The following LRRTM4 variants were observed in gnomAD, a reference collection of about 807,000 sequenced individuals.
LRRTM4 encodes the protein leucine-rich repeat transmembrane neuronal protein 4.
A neutral mutation model predicts 47.6 loss-of-function variants in LRRTM4; 25 were observed. The ratio of observed to expected loss-of-function variants is 0.53; its 90% confidence interval spans 0.38 to 0.73. The LOEUF is 0.73. Ranked by LOEUF, LRRTM4 falls within the 30% of genes least tolerant of loss-of-function variation. The pLI, the probability that LRRTM4 is intolerant of heterozygous loss-of-function variation, is 0.00. For missense variants in LRRTM4, 638 were observed against 713.4 expected, an observed-to-expected ratio of 0.89 and a Z score of 1.20; for synonymous variants, 311 against 269.5, an observed-to-expected ratio of 1.15 and a Z score of -1.51.
chr2:77,360,481 CGA>C (rs1672153184), intron 3 of LRRTM4, among the ~76,000 whole-genome samples: 2 of 19,584 alleles, frequency 1.0e-4, no homozygotes, highest in Non-Finnish European at 3.5e-4. Flanking sequence ...CGATATGATA[CGA>C]TACGATACGA....
chr2:76,826,983 C>T (rs1268620749), intron 3 of LRRTM4, among the ~76,000 whole-genome samples: 2 of 151,890 alleles, frequency 1.3e-5, no homozygotes, highest in Non-Finnish European at 2.9e-5. Context: ...TGTTTCCAAG[C>T]TCACAAGCCA....
intron 3 of LRRTM4, among the ~76,000 whole-genome samples, chr2:76,892,368 T>C (rs1458647804): frequency 6.6e-6 from 1 of 151,726 alleles, no homozygotes; most frequent in African/African-American, 2.4e-5. Context: ...ATAATACTGG[T>C]AATAATATGA....
chr2:76,785,330 T>C (rs1323961143), intron 3 of LRRTM4, among the ~76,000 whole-genome samples: 1 of 152,104 alleles, frequency 6.6e-6, no homozygotes, highest in Non-Finnish European at 1.5e-5. Flanking sequence ...ATAAAATTAA[T>C]AATAAGAAGG....
At chr2:76,945,474 A>G (rs1675291572) in intron 3 of LRRTM4, among the ~76,000 whole-genome samples, 1 of 152,032 alleles carries the variant, frequency 6.6e-6, no homozygotes, top group Admixed American at 6.6e-5. Flanking sequence ...CAAATGTGCA[A>G]TGGAGTTGTT....
At chr2:76,902,819 CA>C (rs1673687543) in intron 3 of LRRTM4, among the ~76,000 whole-genome samples, 2 of 152,078 alleles carry the variant, frequency 1.3e-5, no homozygotes, top group Admixed American at 1.3e-4. Context: ...TAGATGGCCC[CA>C]AATTGATAGA....
chr2:76,861,762 T>C (rs927358217), intron 3 of LRRTM4, among the ~76,000 whole-genome samples: 2 of 152,178 alleles, frequency 1.3e-5, no homozygotes, highest in Non-Finnish European at 2.9e-5. Flanking sequence ...TAACTCCAAA[T>C]TGGAGCACGG....
chr2:77,477,232 T>C (rs920636515), intron 3 of LRRTM4, among the ~76,000 whole-genome samples: 28 of 152,114 alleles, frequency 1.8e-4, no homozygotes, highest in Non-Finnish European at 1.9e-4. Context: ...AGAGCCATCA[T>C]AGAAAGTAAA....
intron 3 of LRRTM4, among the ~76,000 whole-genome samples, chr2:76,961,104 TACA>T (rs1239353273): frequency 6.6e-6 from 1 of 151,578 alleles, no homozygotes; most frequent in Non-Finnish European, 1.5e-5. Flanking sequence ...TTTTATTTAT[TACA>T]ACGACAGGTT....
chr2:76,795,893 C>T (rs1274566221), intron 3 of LRRTM4, among the ~76,000 whole-genome samples: 2 of 151,870 alleles, frequency 1.3e-5, no homozygotes, highest in Non-Finnish European at 2.9e-5. Flanking sequence ...TCTGCATTTC[C>T]ATCTGAGGTA....
Position 77,459,497 on chromosome 2 carries a change from A to C in LRRTM4, c.1551+58821T>G, listed in dbSNP as rs1676693656. On this transcript the variant is annotated intron_variant, in intron 3 of 3. Coordinates refer to ENST00000409884, the MANE Select transcript of LRRTM4 (RefSeq NM_001134745.3). The stretch of plus-strand genomic sequence containing the variant: ...ATAAAACACAAATTTAGTTTCTTTA[A>C]AAAATTAGGAGTTGATTTTGATTAT... Among the ~76,000 whole-genome samples, 3 of 152,072 alleles carry C rather than the reference A, an allele frequency of 2.0e-5. No individual in the cohort carries two copies. In the South Asian group the frequency reaches 6.2e-4, roughly 31 times the overall value.
intron 3 of LRRTM4, among the ~76,000 whole-genome samples, chr2:76,930,380 C>A (rs1674731901): frequency 6.6e-6 from 1 of 152,184 alleles, no homozygotes; most frequent in Admixed American, 6.5e-5. Context: ...ATCAGCAGTT[C>A]TGTAATTAGT....
chr2:77,081,247 AACACACACACACACACACACAC>A lies in LRRTM4; in HGVS notation c.1552-332353_1552-332332del, dbSNP rs58897041. On this transcript the variant is annotated intron_variant, in intron 3 of 3. Transcript: ENST00000409884. Reference sequence around the variant, plus strand: ...CCAGCACCGAAAAATACCTGACAGCAACACACACACACACACACACACACACACACACACACACACACACATA... The same window carrying A: ...CCAGCACCGAAAAATACCTGACAGCAACACACACACACACACACACACATA... 6.9e-3 allele frequency among the ~76,000 whole-genome samples: 968 copies of A among 139,996 alleles called. 13 individuals are homozygous for A. The highest frequency in any genetic ancestry group is 0.024 in the African/African-American group (921 of 39,034). 91.8% of individuals were successfully genotyped at this position (139,996 alleles called of 152,430 possible).
intron 3 of LRRTM4, among the ~76,000 whole-genome samples, chr2:76,801,501 C>G (rs954214345): frequency 1.3e-5 from 2 of 151,912 alleles, no homozygotes; most frequent in Non-Finnish European, 2.9e-5. Flanking sequence ...ATATCACACT[C>G]TGGGGACTGT....
intron 3 of LRRTM4, among the ~76,000 whole-genome samples, chr2:76,803,369 G>A (rs887283455): frequency 6.6e-6 from 1 of 152,040 alleles, no homozygotes; most frequent in African/African-American, 2.4e-5. Context: ...CTGATCATCA[G>A]GGAAATGCAA....
chr2:77,003,105 C>T (rs1055754373), intron 3 of LRRTM4, among the ~76,000 whole-genome samples: 1 of 151,802 alleles, frequency 6.6e-6, no homozygotes, highest in Admixed American at 6.6e-5. Context: ...TTTTACTTTG[C>T]GATAAGAATA....
rs754954750 is a variant in LRRTM4, at chr2:76,748,725, C to G, written c.1743G>C (p.Pro581=). 6.2e-7 allele frequency: 1 copy of G among 1,613,780 alleles called. No homozygotes were observed. Among genetic ancestry groups the G allele is most frequent in the African/African-American group, 1.3e-5 (1 of 74,998 alleles). Residue 581 remains proline (P), a synonymous_variant, in exon 4 of 4, where the codon CCG becomes CCC. Coordinates refer to ENST00000409884, the MANE Select transcript of LRRTM4 (RefSeq NM_001134745.3). ...FIATIARSAA[P]AIYLERIAN ...TTGCAATTCTCTCTAGGTAGATGGC[C>G]GGTGCTGCCGACCTGGCGATGGTGG... is the stretch of plus-strand genomic sequence containing the variant.
At chr2:77,170,954 T>C (rs1673031786) in intron 3 of LRRTM4, among the ~76,000 whole-genome samples, 1 of 150,530 alleles carries the variant, frequency 6.6e-6, no homozygotes, top group Non-Finnish European at 1.5e-5. Flanking sequence ...ATTATATGTA[T>C]TATATGTACG....
chr2:76,768,787 C>G (rs184470123), intron 3 of LRRTM4, among the ~76,000 whole-genome samples: 1 of 152,092 alleles, frequency 6.6e-6, no homozygotes, highest in Non-Finnish European at 1.5e-5. Flanking sequence ...CTAGGCATTG[C>G]GGAGACTTCA....
At chr2:76,951,866 G>A (rs1332346272) in intron 3 of LRRTM4, among the ~76,000 whole-genome samples, 1 of 151,952 alleles carries the variant, frequency 6.6e-6, no homozygotes, top group Non-Finnish European at 1.5e-5. Flanking sequence ...CCATTTATGA[G>A]TGAGAACATG....
Sources: gnomAD v4.1 joint callset for allele counts (sites outside exome capture counted in the v4.1 genomes callset) on GRCh38, gnomAD v4.1.1 for gene constraint, MANE v1.5 for transcripts, NCBI Gene and HGNC (gene_info 2026-07-23, HGNC 2026-07-21) for gene names.